RRM2B: variants seen among roughly 807,000 people sequenced by gnomAD.
RRM2B encodes the protein ribonucleoside-diphosphate reductase subunit M2 B.
A neutral mutation model predicts 45.9 loss-of-function variants in RRM2B; 20 were observed. The observed-to-expected ratio is 0.44, with a 90% CI of 0.31 to 0.63. The LOEUF (loss-of-function observed/expected upper bound fraction) is 0.63, where lower values mean the gene tolerates loss of function less well. RRM2B is among the 30% of genes least tolerant of loss of function. RRM2B has a pLI of 0.09. For synonymous variants in RRM2B, 124 were observed against 132.3 expected, an observed-to-expected ratio of 0.94 and a Z score of 0.43; for missense variants, 320 against 414.7, an observed-to-expected ratio of 0.77 and a Z score of 1.98.
intron 2 of RRM2B, among the ~76,000 whole-genome samples, chr8:102,227,007 G>C (rs76900367): frequency 0.1 from 15,448 of 151,716 alleles, 828 homozygotes; most frequent in Middle Eastern, 0.16. Flanking sequence ...AGCCACCACA[G>C]CTGGCCTTGT....
At chr8:102,236,850 G>C (rs28999675) in intron 1 of RRM2B, among the ~76,000 whole-genome samples, 1,616 of 152,250 alleles carry the variant, frequency 0.011, 19 homozygotes, top group African/African-American at 0.035. Flanking sequence ...AGACATGCCT[G>C]GGCATGTCAG....
At chr8:102,226,343 T>C (rs1810931884) in intron 2 of RRM2B, among the ~76,000 whole-genome samples, 1 of 151,570 alleles carries the variant, frequency 6.6e-6, no homozygotes, top group South Asian at 2.1e-4. Flanking sequence ...TATATATATA[T>C]AACATCATGT....
Position 102,238,838 on chromosome 8 carries a change from C to A in RRM2B, c.37G>T (p.Asp13Tyr). 6.2e-7 allele frequency: 1 copy of A among 1,613,568 alleles called. No homozygotes were observed. Among genetic ancestry groups the A allele is most frequent in the Non-Finnish European group, 8.5e-7 (1 of 1,179,926 alleles). The change falls in exon 1 of 9, where the codon GAT (aspartate) becomes TAT (tyrosine). Residue 13 changes from aspartate to tyrosine, a missense_variant. By Grantham distance (160) the Asp-to-Tyr change is radical. This residue lies in a region of RRM2B where 48 missense variants were observed against 35.3 expected (regional missense o/e 1.36). Transcript: ENST00000251810. The part of the protein sequence containing the change: ...DPERPEAAGL[D>Y]QDERSSSDTN... ...ACAGCAACATTTACCTCATCCTGATCCAGCCCGGCCGCTTCCGGCCTTTCC... is the reference window on the plus strand; with the variant it reads ...ACAGCAACATTTACCTCATCCTGATACAGCCCGGCCGCTTCCGGCCTTTCC...
In RRM2B at chr8:102,206,528, G is replaced by A. The variant is rs1378926029; in HGVS notation, c.*1605C>T. ...GAGAACTCCCAGTTTTGATTAGATTGTTATGGAAAGAATGGAGCCAAAATT... is the reference window on the plus strand; with the variant it reads ...GAGAACTCCCAGTTTTGATTAGATTATTATGGAAAGAATGGAGCCAAAATT... On this transcript the variant is annotated 3_prime_UTR_variant, in exon 9 of 9. Coordinates refer to ENST00000251810, the MANE Select transcript of RRM2B (RefSeq NM_015713.5). The A allele has an allele frequency of 1.7e-4, 26 of 152,172 alleles. No individual in the cohort carries two copies. The highest frequency in any genetic ancestry group is 1.7e-3 in the Admixed American group (26 of 15,274). 9.4% of individuals were successfully genotyped at this position (152,172 alleles called of 1,614,324 possible).
chr8:102,215,638 T>C (rs1810716936), intron 6 of RRM2B, among the ~76,000 whole-genome samples: 1 of 152,058 alleles, frequency 6.6e-6, no homozygotes, highest in Admixed American at 6.6e-5. Context: ...AATGGGATTG[T>C]TTTTAATTCA....
At position 102,205,043 on chromosome 8, in the gene RRM2B, T is replaced by C. The variant is rs1156922691; in HGVS notation, c.*3090A>G. ...GGGAAATGGTGGGAAACAAAGAGAT[T>C]TCAATTCTGTGCCATTCATCCAGAT... On this transcript the variant is annotated 3_prime_UTR_variant, in exon 9 of 9. Transcript: ENST00000251810. 1 of 152,178 alleles carries C rather than the reference T, an allele frequency of 6.6e-6. No homozygotes were observed. Among genetic ancestry groups the C allele is most frequent in the Non-Finnish European group, 1.5e-5 (1 of 68,012 alleles). The allele number at this position is 152,178 out of a possible 1,614,324, so 9.4% of individuals were successfully genotyped here. A position where few individuals can be genotyped will look rare whatever the true frequency, so the allele number is the denominator to read the frequency against.
rs886062561 is a variant in RRM2B, at chr8:102,205,173, C to T, written c.*2960G>A. 1 of 152,158 alleles carries T rather than the reference C, an allele frequency of 6.6e-6. No individual in the cohort carries two copies. The highest frequency in any genetic ancestry group is 1.5e-5 in the Non-Finnish European group (1 of 68,010). 9.4% of individuals were successfully genotyped at this position (152,158 alleles called of 1,614,324 possible). On this transcript the variant is annotated 3_prime_UTR_variant, in exon 9 of 9. Coordinates refer to ENST00000251810, the MANE Select transcript of RRM2B (RefSeq NM_015713.5). Reference sequence around the variant, plus strand: ...ATTTGGCTTTTATTTAGCCCATCTGCAGCTTTATCATTAAAAATCAGCTCC... The same window carrying T: ...ATTTGGCTTTTATTTAGCCCATCTGTAGCTTTATCATTAAAAATCAGCTCC...
chr8:102,211,183 G>C (rs1419497614), intron 8 of RRM2B, among the ~76,000 whole-genome samples: 4 of 152,034 alleles, frequency 2.6e-5, no homozygotes, highest in Non-Finnish European at 2.9e-5. Context: ...CTAATTTTTT[G>C]TAGGATTTCG....
chr8:102,234,360 G>C (rs10505020), intron 1 of RRM2B, among the ~76,000 whole-genome samples: 15,214 of 152,210 alleles, frequency 0.1, 1,023 homozygotes, highest in Non-Finnish European at 0.15. Context: ...AATGTGAAGA[G>C]AAGGAGGTTA....
At chr8:102,226,654 T>G (rs1455321785) in intron 2 of RRM2B, among the ~76,000 whole-genome samples, 1 of 152,194 alleles carries the variant, frequency 6.6e-6, no homozygotes, top group African/African-American at 2.4e-5. Flanking sequence ...TAGCTGCTAC[T>G]TTACTGCCAG....
In RRM2B at chr8:102,225,921, A is replaced by G; in HGVS notation, c.318T>C (p.Asn106=). The G allele has an allele frequency of 6.4e-7, 1 of 1,573,174 alleles. No individual in the cohort carries two copies. The highest frequency in any genetic ancestry group is 8.7e-7 in the Non-Finnish European group (1 of 1,143,146). Residue 106 remains asparagine, a synonymous_variant, in exon 3 of 9, where the codon AAT becomes AAC. Coordinates refer to ENST00000251810, the MANE Select transcript of RRM2B (RefSeq NM_015713.5). ...FAASDGIVNE[N]LVERFSQEVQ... ...TTAAATCAAGCAAAAATCTTACCAA[A>G]TTTTCATTTACAATTCCATCACTGG... is the stretch of plus-strand genomic sequence containing the variant.
intron 2 of RRM2B, among the ~76,000 whole-genome samples, chr8:102,226,559 C>T (rs1331334044): frequency 6.6e-6 from 1 of 152,100 alleles, no homozygotes; most frequent in East Asian, 1.9e-4. Flanking sequence ...AGTAAATAAA[C>T]TAATGAATCT....
At chr8:102,228,439 G>A (rs574924465) in intron 2 of RRM2B, among the ~76,000 whole-genome samples, 8 of 152,302 alleles carry the variant, frequency 5.3e-5, no homozygotes, top group African/African-American at 1.7e-4. Context: ...AAGAGCGTGG[G>A]TGCCACAGGT....
chr8:102,231,868 C>CAA (rs1250881056), intron 2 of RRM2B, among the ~76,000 whole-genome samples: 31 of 61,570 alleles, frequency 5.0e-4, no homozygotes, highest in African/African-American at 7.2e-4. Context: ...GACTCTGTCT[C>CAA]AAAAAAAAAA....
chr8:102,224,245 G>C (rs948038198), intron 4 of RRM2B, 105 bp from the exon 5 acceptor site: 1 of 741,714 alleles, frequency 1.3e-6, no homozygotes, highest in Admixed American at 2.0e-5. Flanking sequence ...GCAGTGGCAC[G>C]ATCTCGGCTC....
rs1810514472 is a variant in RRM2B, at chr8:102,204,720, T to C, written c.*3413A>G. 6.6e-6 allele frequency: 1 copy of C among 152,152 alleles called. No homozygotes were observed. The highest frequency in any genetic ancestry group is 2.1e-4 in the South Asian group (1 of 4,830). 9.4% of individuals were successfully genotyped at this position (152,152 alleles called of 1,614,324 possible). On this transcript the variant is annotated 3_prime_UTR_variant, in exon 9 of 9. Transcript: ENST00000251810. ...TGTATTTCAGCAAAAAAAATTTAGATACACCACACATAATAAAGCTTTCTA... is the reference window on the plus strand; with the variant it reads ...TGTATTTCAGCAAAAAAAATTTAGACACACCACACATAATAAAGCTTTCTA...
intron 7 of RRM2B, among the ~76,000 whole-genome samples, chr8:102,213,443 A>G (rs17432015): frequency 0.035 from 5,358 of 152,294 alleles, 164 homozygotes; most frequent in Admixed American, 0.085. Context: ...CAAAATGATT[A>G]AAGATACCAA....
At chr8:102,235,695 C>A (rs1052279341) in intron 1 of RRM2B, among the ~76,000 whole-genome samples, 1 of 152,066 alleles carries the variant, frequency 6.6e-6, no homozygotes, top group East Asian at 1.9e-4. Context: ...AAAAATTAGC[C>A]GGGCGTGGTG....
chr8:102,217,179 C>T (rs1810744271), intron 6 of RRM2B, among the ~76,000 whole-genome samples: 1 of 151,298 alleles, frequency 6.6e-6, no homozygotes, highest in Non-Finnish European at 1.5e-5. Flanking sequence ...TGCTTAATGC[C>T]ACAGAAAAAT....
Sources: allele counts gnomAD v4.1 joint callset (sites outside exome capture counted in the v4.1 genomes callset), GRCh38; gene constraint gnomAD v4.1.1; regional missense constraint gnomAD v4.1.1; transcripts MANE v1.5; gene names NCBI Gene and HGNC (gene_info 2026-07-23, HGNC 2026-07-21).